Variants in FOLH1 observed in about 807,000 individuals in gnomAD.
FOLH1 encodes folate hydrolase 1.
Under a neutral mutation model 93.9 loss-of-function variants are expected in FOLH1, and 54 were observed. The observed-to-expected ratio is 0.57, with a 90% CI of 0.46 to 0.72. FOLH1 has a LOEUF of 0.72. FOLH1 is among the 30% of genes least tolerant of loss of function. FOLH1 has a pLI of 0.00. For synonymous variants in FOLH1, 249 were observed against 303.6 expected, an observed-to-expected ratio of 0.82 and a Z score of 1.87; for missense variants, 571 against 892.5, an observed-to-expected ratio of 0.64 and a Z score of 4.59.
At chr11:49,179,883 A>G (rs2135147534) in intron 7 of FOLH1, among the ~76,000 whole-genome samples, 1 of 152,364 alleles carries the variant, frequency 6.6e-6, no homozygotes, top group Non-Finnish European at 1.5e-5. Context: ...AATACAAGAT[A>G]GGACATTACT....
intron 12 of FOLH1, 87 bp from the exon 13 acceptor site, chr11:49,164,859 A>G: frequency 9.5e-7 from 1 of 1,056,278 alleles, no homozygotes; most frequent in Non-Finnish European, 1.4e-6. Context: ...TTCCTACCAG[A>G]ATGATTGTTT....
At chr11:49,185,371 C>T (rs1861245810) in intron 6 of FOLH1, among the ~76,000 whole-genome samples, 1 of 151,996 alleles carries the variant, frequency 6.6e-6, no homozygotes, top group African/African-American at 2.4e-5. Context: ...TATACTTTTT[C>T]CCCATATTCT....
At chr11:49,177,802 A>AG in intron 7 of FOLH1, among the ~76,000 whole-genome samples, 1 of 151,430 alleles carries the variant, frequency 6.6e-6, no homozygotes, top group East Asian at 1.9e-4. Context: ...AAAAAAAAAA[A>AG]AAGGCAAAAA....
intron 3 of FOLH1, among the ~76,000 whole-genome samples, chr11:49,194,376 A>C (rs998711773): frequency 6.6e-6 from 1 of 152,034 alleles, no homozygotes; most frequent in African/African-American, 2.4e-5. Flanking sequence ...GATCAGGAGG[A>C]ATCAGCCTTC....
chr11:49,151,614 A>C (rs2134868139), intron 17 of FOLH1, among the ~76,000 whole-genome samples: 1 of 152,302 alleles, frequency 6.6e-6, no homozygotes, highest in East Asian at 1.9e-4. Context: ...TTATGTGCAA[A>C]GCACTGCTCA....
chr11:49,193,033 T>C (rs1862243863), intron 3 of FOLH1, 139 bp from the exon 4 acceptor site: 1 of 533,336 alleles, frequency 1.9e-6, no homozygotes, highest in Non-Finnish European at 3.1e-6. Context: ...TAGTATCAGA[T>C]ACCCAGCACT....
intron 4 of FOLH1, 47 bp from the exon 5 acceptor site, chr11:49,186,816 G>A: frequency 6.5e-7 from 1 of 1,540,122 alleles, no homozygotes. Context: ...ATAAAACAAG[G>A]AGGTTTTTCT....
At chr11:49,194,893 C>T (rs1304156320) in intron 3 of FOLH1, among the ~76,000 whole-genome samples, 2 of 151,758 alleles carry the variant, frequency 1.3e-5, no homozygotes, top group Non-Finnish European at 2.9e-5. Flanking sequence ...CCAAATTATA[C>T]ATAACATAAA....
At chr11:49,160,536 G>A (rs780312914) in intron 13 of FOLH1, among the ~76,000 whole-genome samples, 7 of 151,246 alleles carry the variant, frequency 4.6e-5, no homozygotes, top group East Asian at 2.0e-4. Flanking sequence ...TCCACCTCCC[G>A]GGTTCAAGCG....
At chr11:49,203,874 C>T (rs916701096) in intron 2 of FOLH1, among the ~76,000 whole-genome samples, 1 of 152,198 alleles carries the variant, frequency 6.6e-6, no homozygotes, top group Non-Finnish European at 1.5e-5. Flanking sequence ...CAGCATTGAT[C>T]GCATTGCCTC....
At chr11:49,180,314 C>T (rs995853944) in intron 7 of FOLH1, among the ~76,000 whole-genome samples, 45 of 152,288 alleles carry the variant, frequency 3.0e-4, no homozygotes, top group South Asian at 2.1e-4. Flanking sequence ...CTATAATTAT[C>T]GTCCTGGAAG....
At chr11:49,183,811 C>T (rs544453406) in intron 6 of FOLH1, among the ~76,000 whole-genome samples, 7 of 151,762 alleles carry the variant, frequency 4.6e-5, no homozygotes, top group African/African-American at 7.3e-5. Flanking sequence ...CCCAGGCAAA[C>T]GAATACACGA....
intron 14 of FOLH1, among the ~76,000 whole-genome samples, chr11:49,157,567 C>T (rs938419701): frequency 2.6e-5 from 4 of 151,766 alleles, no homozygotes; most frequent in Non-Finnish European, 5.9e-5. Flanking sequence ...CTAACTGAAG[C>T]ATTTCAGATT....
intron 17 of FOLH1, among the ~76,000 whole-genome samples, chr11:49,153,553 C>T (rs377504370): frequency 5.3e-5 from 8 of 151,982 alleles, no homozygotes; most frequent in East Asian, 1.9e-4. Context: ...CATTTCTGAG[C>T]GGCACAATTG....
In FOLH1 at chr11:49,206,182, A is replaced by G; in HGVS notation, c.119-10T>C. The stretch of plus-strand genomic sequence containing the variant: ...GATTTTATAAACCACCCTGAAAAAT[A>G]CATCCAAAAATAGGCATGAGATACG... On this transcript the variant is annotated splice_polypyrimidine_tract_variant and intron_variant, in intron 1 of 18. Transcript: ENST00000256999. 1 of 1,610,992 alleles carries G rather than the reference A, an allele frequency of 6.2e-7. No individual in the cohort carries two copies.
At chr11:49,202,656 A>C (rs1863404932) in intron 2 of FOLH1, among the ~76,000 whole-genome samples, 1 of 152,248 alleles carries the variant, frequency 6.6e-6, no homozygotes, top group Admixed American at 6.5e-5. Flanking sequence ...ACATTATCTC[A>C]GTCCTTTAAA....
intron 17 of FOLH1, among the ~76,000 whole-genome samples, chr11:49,149,118 G>A (rs1474401342): frequency 1.3e-5 from 2 of 151,980 alleles, no homozygotes; most frequent in South Asian, 2.1e-4. Context: ...TCGTGGGGTG[G>A]GGTGAGGGGG....
At chr11:49,151,616 C>T (rs1439159462) in intron 17 of FOLH1, among the ~76,000 whole-genome samples, 3 of 152,176 alleles carry the variant, frequency 2.0e-5, no homozygotes, top group African/African-American at 7.2e-5. Flanking sequence ...ATGTGCAAAG[C>T]ACTGCTCAGG....
At chr11:49,195,043 C>T (rs1343328233) in intron 3 of FOLH1, among the ~76,000 whole-genome samples, 1 of 151,934 alleles carries the variant, frequency 6.6e-6, no homozygotes, top group East Asian at 1.9e-4. Flanking sequence ...GAGATTTCAG[C>T]CAAATAATAA....
Sources: allele counts gnomAD v4.1 joint callset (sites outside exome capture counted in the v4.1 genomes callset), GRCh38; gene constraint gnomAD v4.1.1; transcripts MANE v1.5; gene names NCBI Gene and HGNC (gene_info 2026-07-23, HGNC 2026-07-21).